LRMDA: variants seen among roughly 807,000 people sequenced by gnomAD.
LRMDA encodes the protein leucine rich melanocyte differentiation associated, also known as leucine-rich melanocyte differentiation-associated protein.
LRMDA carries 18 observed loss-of-function variants against 29.8 expected under a neutral mutation model. The ratio of observed to expected loss-of-function variants is 0.60; its 90% CI spans 0.42 to 0.90. The LOEUF is 0.90. Ranked by LOEUF, LRMDA falls within the 40% of genes least tolerant of loss-of-function variation. LRMDA has a pLI of 0.00. For missense variants in LRMDA, 273 were observed against 273.9 expected (o/e 1.00, Z 0.02); for synonymous variants, 125 against 109.4 (o/e 1.14, Z -0.89).
At chr10:75,535,686 A>G (rs1401400506) in intron 2 of LRMDA, among the ~76,000 whole-genome samples, 2 of 152,034 alleles carry the variant, frequency 1.3e-5, no homozygotes, top group Non-Finnish European at 2.9e-5. Context: ...TAAAACCTTA[A>G]AAAAAAATTG....
At chr10:75,581,923 T>G (rs1380746824) in intron 2 of LRMDA, among the ~76,000 whole-genome samples, 1 of 152,132 alleles carries the variant, frequency 6.6e-6, no homozygotes, top group African/African-American at 2.4e-5. Flanking sequence ...CCCCAGAAAT[T>G]TATATATATT....
chr10:76,365,103 T>TACAC (rs1452052012), intron 6 of LRMDA, among the ~76,000 whole-genome samples: 11 of 22,676 alleles, frequency 4.9e-4, no homozygotes, highest in African/African-American at 2.5e-3. Flanking sequence ...TATATATATA[T>TACAC]ATATACACAC....
intron 2 of LRMDA, among the ~76,000 whole-genome samples, chr10:75,758,539 C>T (rs143451196): frequency 1.1e-4 from 17 of 152,300 alleles, no homozygotes; most frequent in African/African-American, 4.1e-4. Context: ...GGCAGTGAGG[C>T]AAATGCTAGG....
rs550144429 is a variant in LRMDA, at chr10:75,494,848, G to A, written c.131+56354G>A. Among the ~76,000 whole-genome samples the A allele has an allele frequency of 2.6e-5, 4 of 152,276 alleles. No homozygotes were observed. In the East Asian group the frequency reaches 5.8e-4, roughly 22 times the overall value. On this transcript the variant is annotated intron_variant, in intron 2 of 6. Transcript: ENST00000611255. ...AAGAGGCCTAGAGGCTGACAGCCTA[G>A]GGCTGATAGGCTCCTTCCAGCTTTC...
chr10:75,608,112 A>G lies in LRMDA; in HGVS notation c.131+169618A>G, dbSNP rs775976704. ...CTGGATCAAAAATTGTAGTGTGTGT[A>G]TATATATATATATATATACACACAC... On this transcript the variant is annotated intron_variant, in intron 2 of 6. Transcript: ENST00000611255. 2.4e-4 allele frequency among the ~76,000 whole-genome samples: 16 copies of G among 67,254 alleles called. 1 individual carries two copies. Among genetic ancestry groups the G allele is most frequent in the East Asian group, 2.4e-3 (8 of 3,382 alleles). 44.1% of individuals were successfully genotyped at this position (67,254 alleles called of 152,430 possible).
intron 2 of LRMDA, among the ~76,000 whole-genome samples, chr10:75,993,014 G>T (rs982650563): frequency 1.3e-5 from 2 of 152,090 alleles, no homozygotes; most frequent in African/African-American, 4.8e-5. Flanking sequence ...TGGAAAAAAA[G>T]AAGAGAGTGT....
intron 2 of LRMDA, among the ~76,000 whole-genome samples, chr10:76,007,551 C>T (rs935979312): frequency 6.6e-6 from 1 of 152,182 alleles, no homozygotes; most frequent in Non-Finnish European, 1.5e-5. Context: ...AAGCCACCTG[C>T]CCTGGTGTCC....
intron 6 of LRMDA, among the ~76,000 whole-genome samples, chr10:76,333,287 A>G (rs1840926297): frequency 6.6e-6 from 1 of 152,196 alleles, no homozygotes. Context: ...ACCATGCTGT[A>G]GGATTATTAA....
intron 5 of LRMDA, among the ~76,000 whole-genome samples, chr10:76,268,631 A>G (rs575523280): frequency 6.6e-6 from 1 of 152,380 alleles, no homozygotes; most frequent in East Asian, 1.9e-4. Context: ...TTACAGCGAT[A>G]AAATGGCAGT....
intron 5 of LRMDA, among the ~76,000 whole-genome samples, chr10:76,059,871 A>T (rs896070570): frequency 3.3e-5 from 5 of 152,170 alleles, no homozygotes; most frequent in Non-Finnish European, 5.9e-5. Context: ...TTGTGGAAAT[A>T]TGTGATATGG....
intron 2 of LRMDA, among the ~76,000 whole-genome samples, chr10:75,982,438 G>C (rs1283897558): frequency 6.6e-6 from 1 of 152,198 alleles, no homozygotes; most frequent in African/African-American, 2.4e-5. Flanking sequence ...GGTCCCCAGA[G>C]TTCCCATACA....
chr10:75,607,824 G>GTTTT (rs5786180), intron 2 of LRMDA, among the ~76,000 whole-genome samples: 10 of 72,294 alleles, frequency 1.4e-4, no homozygotes, highest in African/African-American at 3.8e-4. Context: ...TGATTCAGTG[G>GTTTT]TTTTTTTTTT....
At chr10:75,885,860 A>C (rs930429111) in intron 2 of LRMDA, among the ~76,000 whole-genome samples, 1 of 152,244 alleles carries the variant, frequency 6.6e-6, no homozygotes, top group Non-Finnish European at 1.5e-5. Context: ...AGCAGGGACC[A>C]CACCTGTCTT....
At chr10:76,036,525 G>A (rs992728337) in intron 3 of LRMDA, among the ~76,000 whole-genome samples, 14 of 152,354 alleles carry the variant, frequency 9.2e-5, no homozygotes, top group African/African-American at 2.6e-4. Context: ...CTGGTGGGAA[G>A]TCCCGGGTAA....
At chr10:76,123,506 C>T (rs189594729) in intron 5 of LRMDA, among the ~76,000 whole-genome samples, 10 of 152,242 alleles carry the variant, frequency 6.6e-5, no homozygotes, top group African/African-American at 1.9e-4. Flanking sequence ...GAGACCGTGT[C>T]TCAGAACACA....
chr10:76,517,231 GA>G (rs913790682), intron 6 of LRMDA, among the ~76,000 whole-genome samples: 2 of 152,060 alleles, frequency 1.3e-5, no homozygotes, highest in Non-Finnish European at 2.9e-5. Context: ...TGAAAACCAT[GA>G]AAATATATAC....
chr10:75,702,060 T>C (rs1057436371), intron 2 of LRMDA, among the ~76,000 whole-genome samples: 14 of 152,274 alleles, frequency 9.2e-5, no homozygotes, highest in African/African-American at 2.6e-4. Flanking sequence ...ACATCCTCAA[T>C]CTTCACCTAG....
At chr10:76,276,073 TTCTC>T (rs553076361) in intron 5 of LRMDA, among the ~76,000 whole-genome samples, 12 of 150,422 alleles carry the variant, frequency 8.0e-5, no homozygotes, top group East Asian at 4.0e-4. Context: ...CTCTCTTTCT[TTCTC>T]TCTCTTTCTT....
intron 2 of LRMDA, among the ~76,000 whole-genome samples, chr10:75,543,626 G>T (rs1840045481): frequency 6.6e-6 from 1 of 152,080 alleles, no homozygotes; most frequent in East Asian, 1.9e-4. Flanking sequence ...GGGAACATCA[G>T]AAATATTATT....
Sources: gnomAD v4.1 joint callset for allele counts (sites outside exome capture counted in the v4.1 genomes callset) on GRCh38, gnomAD v4.1.1 for gene constraint, MANE v1.5 for transcripts, NCBI Gene and HGNC (gene_info 2026-07-23, HGNC 2026-07-21) for gene names.